The following TIAM2 variants were observed in gnomAD, a reference collection of about 807,000 sequenced individuals.
TIAM2 encodes TIAM Rac1 associated GEF 2, also known as rho guanine nucleotide exchange factor TIAM2.
A neutral mutation model predicts 152.9 loss-of-function variants in TIAM2; 80 were observed. That is an observed-to-expected ratio of 0.52 (90% CI 0.44 to 0.63). The LOEUF (loss-of-function observed/expected upper bound fraction) is 0.63. TIAM2 is among the 30% of genes least tolerant of loss of function. TIAM2 has a pLI of 0.00. For synonymous variants in TIAM2, 804 were observed against 838.0 expected (o/e 0.96, Z 0.70); for missense variants, 1,965 against 2,120.1 (o/e 0.93, Z 1.44).
rs1277534566 is a variant in TIAM2 at position 155,104,050 on chromosome 6, C to CACACA, written c.-118+13671_-118+13672insACACA. Among the ~76,000 whole-genome samples, 80 of 87,596 alleles carry CACACA rather than the reference C, an allele frequency of 9.1e-4. 11 individuals carry two copies. The highest frequency in any genetic ancestry group is 4.5e-3 in the African/African-American group (80 of 17,640). The allele number at this position is 87,596 out of a possible 152,430, so 57.5% of individuals were successfully genotyped here. A position where few individuals can be genotyped will look rare whatever the true frequency, so the allele number is the denominator to read the frequency against. On this transcript the variant is annotated intron_variant, in intron 2 of 26. Coordinates refer to ENST00000682666, the MANE Select transcript of TIAM2 (RefSeq NM_012454.4). ...ACCTCACACACACACACCCCCCCCC[C>CACACA]CACACCCCCACACACCCCCACACAC...
intron 5 of TIAM2, 122 bp from the exon 6 acceptor site, chr6:155,144,484 A>G (rs1779779620): frequency 2.5e-5 from 24 of 959,198 alleles, no homozygotes; most frequent in Non-Finnish European, 2.8e-5. Context: ...CTTGTTTACC[A>G]TGTTTCTGTC....
chr6:155,033,291 T>C (rs1213545825), intron 1 of TIAM2, among the ~76,000 whole-genome samples: 7 of 152,206 alleles, frequency 4.6e-5, no homozygotes. Flanking sequence ...CTCAGGAGCA[T>C]GGTTACGTTT....
chr6:155,256,368 A>AAGTC (rs1247695390), intron 26 of TIAM2, 116 bp from the exon 27 acceptor site: 3 of 1,451,612 alleles, frequency 2.1e-6, no homozygotes, highest in Non-Finnish European at 2.8e-6. Context: ...TTGCTAACTG[A>AAGTC]AGTCATATCA....
chr6:155,244,600 C>A, intron 17 of TIAM2, 58 bp from the exon 18 acceptor site: 2 of 1,575,386 alleles, frequency 1.3e-6, no homozygotes, highest in Non-Finnish European at 8.6e-7. Context: ...TAAGAGTTAG[C>A]GTGGTGTCCT....
intron 1 of TIAM2, among the ~76,000 whole-genome samples, chr6:155,023,056 TTTTTC>T (rs1025065353): frequency 4.1e-4 from 16 of 39,176 alleles, no homozygotes; most frequent in Non-Finnish European, 7.8e-4. Flanking sequence ...TTTTTTTTTT[TTTTTC>T]CCTTGGCAAG....
chr6:154,999,877 C>G (rs1463549494), intron 1 of TIAM2, among the ~76,000 whole-genome samples: 1 of 151,794 alleles, frequency 6.6e-6, no homozygotes, highest in Non-Finnish European at 1.5e-5. Context: ...CGGGGTTTCT[C>G]CATGTTGGTC....
chr6:155,072,062 A>G (rs1777851178), intron 1 of TIAM2, among the ~76,000 whole-genome samples: 1 of 152,124 alleles, frequency 6.6e-6, no homozygotes, highest in Admixed American at 6.6e-5. Flanking sequence ...AAAGGCATGG[A>G]GGCATTTGGA....
intron 16 of TIAM2, 25 bp downstream of exon 16, chr6:155,240,734 C>T (rs760788504): frequency 2.5e-6 from 4 of 1,593,128 alleles, no homozygotes; most frequent in Non-Finnish European, 3.4e-6. Context: ...GGCATTTATG[C>T]ATTCGTGCCT....
chr6:155,095,893 G>A (rs898765589), intron 2 of TIAM2, among the ~76,000 whole-genome samples: 4 of 152,160 alleles, frequency 2.6e-5, no homozygotes, highest in Non-Finnish European at 4.4e-5. Context: ...CTTCAAAAAT[G>A]TTGTAAACAG....
At chr6:155,170,777 C>T (rs546760049) in intron 9 of TIAM2, among the ~76,000 whole-genome samples, 1 of 152,260 alleles carries the variant, frequency 6.6e-6, no homozygotes, top group South Asian at 2.1e-4. Context: ...TGAGAAGAAA[C>T]TATGATTTCT....
intron 1 of TIAM2, among the ~76,000 whole-genome samples, chr6:155,073,068 G>A (rs1777876021): frequency 6.7e-6 from 1 of 150,136 alleles, no homozygotes; most frequent in Non-Finnish European, 1.5e-5. Context: ...CCTAAGATCT[G>A]TTATTAAAGG....
intron 7 of TIAM2, among the ~76,000 whole-genome samples, chr6:155,150,865 G>A (rs1009979391): frequency 6.6e-5 from 10 of 152,150 alleles, no homozygotes; most frequent in Admixed American, 6.5e-5. Flanking sequence ...TATGACTGTC[G>A]TGCGCAGTGG....
At chr6:155,245,755 G>GTTTTTTTTTT (rs11435976) in intron 19 of TIAM2, 24 bp downstream of exon 19, 49 of 1,023,372 alleles carry the variant, frequency 4.8e-5, no homozygotes, top group South Asian at 1.2e-4. Flanking sequence ...GCCTTTTATA[G>GTTTTTTTTTT]TTTTTTTTTT....
intron 1 of TIAM2, among the ~76,000 whole-genome samples, chr6:155,039,226 G>T (rs370857355): frequency 2.6e-5 from 4 of 151,784 alleles, no homozygotes; most frequent in African/African-American, 9.7e-5. Context: ...CTCTCAAAAT[G>T]CTGGGATTAC....
intron 1 of TIAM2, among the ~76,000 whole-genome samples, chr6:155,056,478 G>A (rs1562302938): frequency 1.3e-5 from 2 of 149,034 alleles, no homozygotes; most frequent in South Asian, 2.2e-4. Context: ...GGCCCTTATG[G>A]TTCTTCTTTT....
intron 15 of TIAM2, among the ~76,000 whole-genome samples, chr6:155,223,528 T>TC (rs1211889389): frequency 1.5e-5 from 1 of 66,088 alleles, no homozygotes; most frequent in Non-Finnish European, 3.6e-5. Context: ...TTTTTTTTTC[T>TC]TTTTTTTTTT....
At position 155,254,531 on chromosome 6, in the gene TIAM2, C is replaced by T. The variant is rs774164038; in HGVS notation, c.4426C>T (p.Leu1476=). ...ACTGGAGAAAACGTGTAAGGATCGC[C>T]TGGTACCTCTTAAGAACCGAGTTCC... ...LPLEKTCKDR[L]VPLKNRVPVS... The change falls in exon 26 of 27, where the codon CTG becomes TTG. Residue 1476 remains leucine (L), a synonymous_variant. Coordinates refer to ENST00000682666, the MANE Select transcript of TIAM2 (RefSeq NM_012454.4). The T allele has an allele frequency of 1.2e-6, 2 of 1,614,030 alleles. No homozygotes were observed. The highest frequency in any genetic ancestry group is 1.7e-5 in the Admixed American group (1 of 60,018).
At chr6:155,140,482 T>A (rs773391488) in intron 5 of TIAM2, among the ~76,000 whole-genome samples, 3 of 152,046 alleles carry the variant, frequency 2.0e-5, no homozygotes, top group Admixed American at 6.6e-5. Context: ...TGCCTGTCTA[T>A]GGATTTGAAA....
intron 15 of TIAM2, 78 bp from the exon 16 acceptor site, chr6:155,240,452 C>T: frequency 2.7e-6 from 4 of 1,467,022 alleles, no homozygotes; most frequent in Non-Finnish European, 3.7e-6. Context: ...CAGACGGAGA[C>T]ACTTGGTGCC....
Sources: allele counts gnomAD v4.1 joint callset (sites outside exome capture counted in the v4.1 genomes callset), GRCh38; gene constraint gnomAD v4.1.1; transcripts MANE v1.5; gene names NCBI Gene and HGNC (gene_info 2026-07-23, HGNC 2026-07-21).